Variants in ARRB2 observed in about 807,000 individuals in gnomAD.
ARRB2 encodes the protein beta-arrestin-2.
Under a neutral mutation model 53.4 loss-of-function variants are expected in ARRB2, and 21 were observed. The ratio of observed to expected loss-of-function variants is 0.39; its 90% CI spans 0.28 to 0.57. ARRB2 has a LOEUF of 0.57. Ranked by LOEUF, ARRB2 falls within the 20% of genes least tolerant of loss-of-function variation. The pLI is 0.55. For synonymous variants in ARRB2, 180 were observed against 212.9 expected, an observed-to-expected ratio of 0.85 and a Z score of 1.34; for missense variants, 369 against 527.5, an observed-to-expected ratio of 0.70 and a Z score of 2.94.
chr17:4,714,247 G>C (rs868310807), intron 1 of ARRB2, among the ~76,000 whole-genome samples: 1 of 152,202 alleles, frequency 6.6e-6, no homozygotes, highest in African/African-American at 2.4e-5. Context: ...CTTCCTAAAG[G>C]CTGGGCCTTA....
At position 4,720,319 on chromosome 17, in the gene ARRB2, C is replaced by G; in HGVS notation, c.1001+20C>G. 6.2e-7 allele frequency: 1 copy of G among 1,613,874 alleles called. No individual in the cohort carries two copies. The highest frequency in any genetic ancestry group is 8.5e-7 in the Non-Finnish European group (1 of 1,179,920). The stretch of plus-strand genomic sequence containing the variant: ...AGGCGGGTGAGTGTCATGGGGGAGC[C>G]TGGGTGGGGGTCACACTGGCTCTCT... On this transcript the variant is annotated intron_variant, in intron 12 of 14. Coordinates refer to ENST00000269260, the MANE Select transcript of ARRB2 (RefSeq NM_004313.4).
chr17:4,715,581 AC>A, intron 2 of ARRB2: 1 of 335,734 alleles, frequency 3.0e-6, no homozygotes, highest in South Asian at 2.9e-5. Flanking sequence ...ACACACACAC[AC>A]ACACGGACAC....
chr17:4,720,458 C>T lies in ARRB2; in HGVS notation c.1067C>T (p.Pro356Leu), dbSNP rs756879799. 6.2e-7 allele frequency: 1 copy of T among 1,613,320 alleles called. No homozygotes were observed. Among genetic ancestry groups the T allele is most frequent in the Non-Finnish European group, 8.5e-7 (1 of 1,179,474 alleles). The change falls in exon 13 of 15, where the codon CCC (proline) becomes CTC (leucine). Residue 356 changes from proline to leucine, a missense_variant. By Grantham distance (98) the Pro-to-Leu change is moderately conservative. Transcript: ENST00000269260. ...HPKPHDHIPL[P>L]RPQSAAPETD... is the part of the protein sequence containing the mutation. ...AAGCCCCACGACCACATCCCCCTCC[C>T]CAGACCCCAGTCAGGTGAGCACACT...
chr17:4,711,890 A>C (rs1914445125), intron 1 of ARRB2, among the ~76,000 whole-genome samples: 1 of 152,190 alleles, frequency 6.6e-6, no homozygotes, highest in African/African-American at 2.4e-5. Context: ...GAAGTGTGAA[A>C]GGACATCTGC....
rs1172810167 is a variant in ARRB2, at chr17:4,720,856, C to T, written c.1137-90C>T. 2.2e-6 allele frequency: 3 copies of T among 1,390,318 alleles called. No individual in the cohort carries two copies. The African/African-American group carries it at 4.3e-5, about 20-fold the overall frequency. The allele number at this position is 1,390,318 out of a possible 1,614,324, so 86.1% of individuals were successfully genotyped here. ...CACTGCTGTTCGAACGCCTCTGTCC[C>T]AGAGGCCTAGCTTCGGGGAGGGCAG... On this transcript the variant is annotated intron_variant, in intron 14 of 14. Coordinates refer to ENST00000269260, the MANE Select transcript of ARRB2 (RefSeq NM_004313.4).
At chr17:4,716,320 C>T (rs956663387) in intron 4 of ARRB2, 92 bp from the exon 5 acceptor site, 1 of 1,610,352 alleles carries the variant, frequency 6.2e-7, no homozygotes, top group Non-Finnish European at 8.5e-7. Flanking sequence ...TCAGGCAAGT[C>T]TTATGCTGCT....
At position 4,717,264 on chromosome 17, in the gene ARRB2, G is replaced by A. The variant is rs1489671999; in HGVS notation, c.405G>A (p.Glu135=). ...PCSVTLQPGP[E]DTGKACGVDF... is the part of the protein sequence containing the mutation. The stretch of plus-strand genomic sequence containing the variant: ...CCGTCACACTGCAGCCAGGCCCAGA[G>A]GATACAGGAAAGGTACGGGAGGAAC... The change falls in exon 6 of 15, where the codon GAG becomes GAA. Residue 135 remains glutamate, a synonymous_variant. Transcript: ENST00000269260. The surrounding 1 kb of genome is among the most constrained non-coding windows in gnomAD (Gnocchi z 6.0). 5.0e-6 allele frequency: 8 copies of A among 1,614,140 alleles called. No homozygotes were observed. The highest frequency in any genetic ancestry group is 6.8e-6 in the Non-Finnish European group (8 of 1,180,010).
chr17:4,717,813 C>A lies in ARRB2; in HGVS notation c.485+61C>A. On this transcript the variant is annotated intron_variant, in intron 7 of 14. Coordinates refer to ENST00000269260, the MANE Select transcript of ARRB2 (RefSeq NM_004313.4). This position sits in a 1 kb window ranked among gnomAD's most constrained non-coding sequence, Gnocchi z 6.0. ...GGCTTTCCTCCCCGCTTCCAGGAGCCCAGGCCCCGTGCGGGGGAGGAGTAG... is the reference window on the plus strand; with the variant it reads ...GGCTTTCCTCCCCGCTTCCAGGAGCACAGGCCCCGTGCGGGGGAGGAGTAG... 2 of 1,601,928 alleles carry A rather than the reference C, an allele frequency of 1.2e-6. No individual in the cohort carries two copies. Among genetic ancestry groups the A allele is most frequent in the Non-Finnish European group, 1.7e-6 (2 of 1,173,850 alleles).
intron 1 of ARRB2, 101 bp downstream of exon 1, chr17:4,710,845 G>C (rs944937655): frequency 1.5e-5 from 6 of 397,106 alleles, no homozygotes; most frequent in Non-Finnish European, 2.7e-5. Context: ...CTGGGGGCCG[G>C]ACGCCTGGGT....
At position 4,715,648 on chromosome 17, in the gene ARRB2, C is replaced by T. The variant is rs899926635; in HGVS notation, c.55-325C>T. 3 of 421,872 alleles carry T rather than the reference C, an allele frequency of 7.1e-6. No individual in the cohort carries two copies. The East Asian group carries it at 1.5e-4, about 21-fold the overall frequency. 26.1% of individuals were successfully genotyped at this position (421,872 alleles called of 1,614,324 possible). A position where few individuals can be genotyped will look rare whatever the true frequency, so the allele number is the denominator to read the frequency against. ...TCCTCCCTGAGGACACACACAGACA[C>T]ACATGCACATACATGTTCACACACA... On this transcript the variant is annotated intron_variant, in intron 2 of 14. Transcript: ENST00000269260.
In ARRB2 at chr17:4,710,662, G is replaced by A. The variant is rs1053051945; in HGVS notation, c.-60G>A. 30 of 398,572 alleles carry A rather than the reference G, an allele frequency of 7.5e-5. No homozygotes were observed. The highest frequency in any genetic ancestry group is 9.7e-5 in the Non-Finnish European group (22 of 226,048). 24.7% of individuals were successfully genotyped at this position (398,572 alleles called of 1,614,324 possible). ...GGCGCGGGGAGGAGCAGGGATCTTGGCAGCGGGCGAGGAGGCTGCGAGCGA... is the reference window on the plus strand; with the variant it reads ...GGCGCGGGGAGGAGCAGGGATCTTGACAGCGGGCGAGGAGGCTGCGAGCGA... On this transcript the variant is annotated 5_prime_UTR_variant, in exon 1 of 15. Transcript: ENST00000269260.
chr17:4,720,714 TCTTC>T, intron 14 of ARRB2, 74 bp downstream of exon 14: 1 of 1,331,834 alleles, frequency 7.5e-7, no homozygotes, highest in Non-Finnish European at 1.0e-6. Context: ...CCCTCATACC[TCTTC>T]CTTGCTTTTG....
At position 4,716,155 on chromosome 17, in the gene ARRB2, G is replaced by A; in HGVS notation, c.124G>A (p.Val42Met). ...LDKVDPVDGV[V>M]LVDPDYLKDR... ...GTGTGTCCCCCTCCTAGATGGCGTG[G>A]TGCTTGTGGACCCTGACTACCTGAA... is the stretch of plus-strand genomic sequence containing the variant. Residue 42 changes from valine (V) to methionine (M), a missense_variant, in exon 4 of 15, where the codon GTG becomes ATG. By Grantham distance (21) the Val-to-Met change is conservative (BLOSUM62 1). Coordinates refer to ENST00000269260, the MANE Select transcript of ARRB2 (RefSeq NM_004313.4). 1 of 1,614,180 alleles carries A rather than the reference G, an allele frequency of 6.2e-7. No homozygotes were observed. The highest frequency in any genetic ancestry group is 8.5e-7 in the Non-Finnish European group (1 of 1,180,026).
chr17:4,715,910 G>T, intron 2 of ARRB2, 63 bp from the exon 3 acceptor site: 2 of 1,597,968 alleles, frequency 1.3e-6, no homozygotes, highest in Non-Finnish European at 1.7e-6. Flanking sequence ...AGCCAGTTTT[G>T]AGGGCTCCGA....
At chr17:4,714,512 C>T (rs777053584) in intron 1 of ARRB2, 21 of 208,856 alleles carry the variant, frequency 1.0e-4, no homozygotes, top group Non-Finnish European at 1.6e-4. Context: ...CAACCAGTGG[C>T]CATTACTGGG....
chr17:4,716,641 G>T, intron 5 of ARRB2, 33 bp downstream of exon 5: 1 of 1,546,202 alleles, frequency 6.5e-7, no homozygotes, highest in Non-Finnish European at 8.7e-7. Context: ...AGGGCCAGGG[G>T]GCTGGGGCTG....
chr17:4,715,711 AC>A (rs1450983244), intron 2 of ARRB2: 12 of 458,564 alleles, frequency 2.6e-5, no homozygotes, highest in Admixed American at 3.8e-5. Context: ...ACACACACAC[AC>A]ACACACACAC....
rs750193245 is a variant in ARRB2, at chr17:4,718,254, C to A, written c.622-7C>A. 3.7e-6 allele frequency: 6 copies of A among 1,609,642 alleles called. No homozygotes were observed. Among genetic ancestry groups the A allele is most frequent in the Non-Finnish European group, 4.2e-6 (5 of 1,177,788 alleles). On this transcript the variant is annotated splice_polypyrimidine_tract_variant and splice_region_variant and intron_variant, in intron 8 of 14. Transcript: ENST00000269260. ...TTCCAATTCACATGACCCCCTCCCCCCAAAAGCTGTACTACCATGGGGAGC... is the reference window on the plus strand; with the variant it reads ...TTCCAATTCACATGACCCCCTCCCCACAAAAGCTGTACTACCATGGGGAGC...
At chr17:4,711,674 A>G (rs1914425643) in intron 1 of ARRB2, among the ~76,000 whole-genome samples, 1 of 152,162 alleles carries the variant, frequency 6.6e-6, no homozygotes, top group Non-Finnish European at 1.5e-5. Flanking sequence ...GAGCATCAGA[A>G]AGAGATCATC....
Sources: allele counts gnomAD v4.1 joint callset (sites outside exome capture counted in the v4.1 genomes callset), GRCh38; gene constraint gnomAD v4.1.1; non-coding constraint Gnocchi (gnomAD v3.1); transcripts MANE v1.5; gene names NCBI Gene and HGNC (gene_info 2026-07-23, HGNC 2026-07-21).